Variants in SAMD13 observed in about 807,000 individuals in gnomAD.
SAMD13 encodes sterile alpha motif domain-containing protein 13.
In SAMD13, 9 loss-of-function variants were observed where a neutral mutation model predicts 12.4. The ratio of observed to expected loss-of-function variants is 0.72; its 90% CI spans 0.44 to 1.26. The LOEUF is 1.26. SAMD13 is among the 50% of genes most tolerant of loss of function. The pLI is 0.00. For missense variants in SAMD13, 84 were observed against 119.6 expected, an observed-to-expected ratio of 0.70 and a Z score of 1.39; for synonymous variants, 46 against 45.4, an observed-to-expected ratio of 1.01 and a Z score of -0.05.
chr1:84,348,037 G>T (rs1679569110), intron 3 of SAMD13, among the ~76,000 whole-genome samples: 1 of 152,206 alleles, frequency 6.6e-6, no homozygotes, highest in Non-Finnish European at 1.5e-5. Flanking sequence ...AGACCAGGTA[G>T]AAGTAATTCC....
intron 2 of SAMD13, among the ~76,000 whole-genome samples, chr1:84,318,949 CAGTT>C (rs1458626216): frequency 5.3e-5 from 8 of 152,162 alleles, no homozygotes; most frequent in East Asian, 1.9e-4. Context: ...ACTATACAGT[CAGTT>C]AAACATATTA....
chr1:84,301,648 T>G, upstream of SAMD13: 1 of 985,448 alleles, frequency 1.0e-6, no homozygotes, highest in Non-Finnish European at 1.2e-6. Context: ...TAACGTCATG[T>G]TGGCTGAGAG....
chr1:84,321,176 G>T (rs1326170330), intron 2 of SAMD13, among the ~76,000 whole-genome samples: 1 of 152,008 alleles, frequency 6.6e-6, no homozygotes, highest in Admixed American at 6.6e-5. Context: ...TAAAAATCAG[G>T]TGATTGTTTA....
chr1:84,329,002 G>A (rs1558454463), intron 3 of SAMD13, among the ~76,000 whole-genome samples: 1 of 152,120 alleles, frequency 6.6e-6, no homozygotes, highest in African/African-American at 2.4e-5. Context: ...ATTATGAGCT[G>A]AATGTTTATG....
chr1:84,314,387 T>C (rs1678784496), intron 2 of SAMD13, among the ~76,000 whole-genome samples: 1 of 152,232 alleles, frequency 6.6e-6, no homozygotes, highest in African/African-American at 2.4e-5. Context: ...AGTAACTATG[T>C]GCATGATCAC....
chr1:84,343,879 A>G (rs78389616), intron 3 of SAMD13, among the ~76,000 whole-genome samples: 2,981 of 152,260 alleles, frequency 0.02, 99 homozygotes, highest in African/African-American at 0.068. Context: ...AATTAAAAAA[A>G]ATTTTTAATC....
At chr1:84,338,182 T>C (rs1173639937) in intron 3 of SAMD13, among the ~76,000 whole-genome samples, 1 of 152,192 alleles carries the variant, frequency 6.6e-6, no homozygotes, top group Non-Finnish European at 1.5e-5. Context: ...TTCCACATTT[T>C]TGTGTATCTT....
intron 3 of SAMD13, among the ~76,000 whole-genome samples, chr1:84,336,671 C>G (rs1040489165): frequency 6.6e-6 from 1 of 152,144 alleles, no homozygotes; most frequent in Admixed American, 6.5e-5. Flanking sequence ...TCACTGCACC[C>G]CTGGCCCCTC....
chr1:84,303,384 T>C (rs1483888536), intron 2 of SAMD13, 97 bp downstream of exon 2: 5 of 986,098 alleles, frequency 5.1e-6, no homozygotes, highest in Non-Finnish European at 7.7e-6. Flanking sequence ...AATACACAGT[T>C]TGGGGGTCGC....
chr1:84,322,651 G>A (rs1360553452), intron 2 of SAMD13, among the ~76,000 whole-genome samples: 1 of 152,036 alleles, frequency 6.6e-6, no homozygotes, highest in Non-Finnish European at 1.5e-5. Flanking sequence ...TTTGGCTTTG[G>A]GGGGATATCA....
chr1:84,314,308 G>C (rs901760321), intron 2 of SAMD13, among the ~76,000 whole-genome samples: 1 of 152,012 alleles, frequency 6.6e-6, no homozygotes, highest in Non-Finnish European at 1.5e-5. Context: ...AACCTCACAG[G>C]GTACTTGATT....
chr1:84,315,451 G>T (rs1162013785), intron 2 of SAMD13, among the ~76,000 whole-genome samples: 1 of 152,044 alleles, frequency 6.6e-6, no homozygotes, highest in African/African-American at 2.4e-5. Flanking sequence ...ATATCTCATT[G>T]TATGTATATA....
At chr1:84,316,180 T>C (rs974825295) in intron 2 of SAMD13, among the ~76,000 whole-genome samples, 2 of 152,182 alleles carry the variant, frequency 1.3e-5, no homozygotes, top group Non-Finnish European at 2.9e-5. Context: ...TCCTTTTTAC[T>C]CTATTGAATA....
chr1:84,309,206 T>C (rs527802874), intron 2 of SAMD13, among the ~76,000 whole-genome samples: 1 of 152,310 alleles, frequency 6.6e-6, no homozygotes, highest in East Asian at 1.9e-4. Flanking sequence ...CTCTTCTGAC[T>C]CCAAGATAAC....
intron 1 of SAMD13, 194 bp downstream of exon 1, chr1:84,301,995 T>A (rs1678461601): frequency 6.5e-6 from 1 of 153,184 alleles, no homozygotes; most frequent in Non-Finnish European, 1.5e-5. Flanking sequence ...CAGCACTATC[T>A]TCCTGTCTAC....
At chr1:84,308,095 C>T (rs777875896) in intron 2 of SAMD13, among the ~76,000 whole-genome samples, 1 of 152,178 alleles carries the variant, frequency 6.6e-6, no homozygotes, top group Non-Finnish European at 1.5e-5. Flanking sequence ...GAATGGCTTA[C>T]CCATCTCTCA....
intron 2 of SAMD13, among the ~76,000 whole-genome samples, chr1:84,320,880 T>C (rs935542206): frequency 1.3e-5 from 2 of 152,204 alleles, no homozygotes; most frequent in African/African-American, 4.8e-5. Context: ...TGATATTACA[T>C]GTGGATTGCA....
chr1:84,331,614 G>T (rs1457463503), intron 3 of SAMD13, among the ~76,000 whole-genome samples: 2 of 152,098 alleles, frequency 1.3e-5, no homozygotes, highest in Non-Finnish European at 2.9e-5. Flanking sequence ...AATCTCTGCT[G>T]ATGTGTCCTT....
chr1:84,324,489 T>G (rs879593695), intron 2 of SAMD13, among the ~76,000 whole-genome samples: 4 of 152,214 alleles, frequency 2.6e-5, no homozygotes, highest in Non-Finnish European at 5.9e-5. Context: ...CTTGTCCTTC[T>G]TAGCATTTAG....
Sources: allele counts gnomAD v4.1 joint callset (sites outside exome capture counted in the v4.1 genomes callset), GRCh38; gene constraint gnomAD v4.1.1; transcripts MANE v1.5; gene names NCBI Gene and HGNC (gene_info 2026-07-23, HGNC 2026-07-21).